Variants in MTRFR observed in about 807,000 individuals in gnomAD.
The protein encoded by MTRFR is probable peptide chain release factor C12orf65, mitochondrial.
In MTRFR, 10 loss-of-function variants were observed where a neutral mutation model predicts 11.9. The ratio of observed to expected loss-of-function variants is 0.84; its 90% CI spans 0.52 to 1.42. The LOEUF is 1.42. Ranked by LOEUF, MTRFR falls within the 40% of genes most tolerant of loss-of-function variation. The pLI is 0.00. For missense variants in MTRFR, 196 were observed against 197.9 expected (o/e 0.99, Z 0.06); for synonymous variants, 77 against 79.1 (o/e 0.97, Z 0.14).
At chr12:123,243,326 C>A (rs1593277553) in intron 1 of MTRFR, among the ~76,000 whole-genome samples, 2 of 151,616 alleles carry the variant, frequency 1.3e-5, no homozygotes, top group Non-Finnish European at 2.9e-5. Flanking sequence ...GTCAGGAAAT[C>A]GAGAACAGCC....
At chr12:123,237,380 A>G (rs2047867987) in intron 1 of MTRFR, among the ~76,000 whole-genome samples, 1 of 152,240 alleles carries the variant, frequency 6.6e-6, no homozygotes, top group African/African-American at 2.4e-5. Context: ...CAGTGAGCCA[A>G]GATCACGCCA....
upstream of MTRFR, chr12:123,233,026 C>T (rs2047738979): frequency 6.6e-6 from 1 of 152,322 alleles, no homozygotes. Context: ...TAAGTCTCGT[C>T]TCCTGTCCCC....
At chr12:123,250,259 G>A (rs2048097366) in intron 1 of MTRFR, 1 of 152,150 alleles carries the variant, frequency 6.6e-6, no homozygotes, top group Non-Finnish European at 1.5e-5. Flanking sequence ...CTATTTCCCT[G>A]AGTGATTTCT....
At chr12:123,239,410 G>GTTTTT (rs80347690) in intron 1 of MTRFR, among the ~76,000 whole-genome samples, 4 of 145,820 alleles carry the variant, frequency 2.7e-5, no homozygotes, top group East Asian at 2.1e-4. Context: ...TTGTTTTTTT[G>GTTTTT]TTTGTTTTTT....
Position 123,253,668 on chromosome 12 carries a change from G to A in MTRFR, c.-7G>A, listed in dbSNP as rs377656915. ...CCAGGTCCTCAGCCAGCAGAGCCAC[G>A]TTCCTTATGAGCACCGTGGGTTTAT... On this transcript the variant is annotated 5_prime_UTR_variant, in exon 2 of 3. Coordinates refer to ENST00000253233, the MANE Select transcript of MTRFR (RefSeq NM_152269.5). 108 of 1,614,098 alleles carry A rather than the reference G, an allele frequency of 6.7e-5. No homozygotes were observed. The highest frequency in any genetic ancestry group is 8.3e-5 in the Non-Finnish European group (98 of 1,180,020).
intron 1 of MTRFR, chr12:123,249,075 G>A (rs2048081206): frequency 6.6e-6 from 1 of 151,630 alleles, no homozygotes; most frequent in African/African-American, 2.4e-5. Flanking sequence ...GTCCCCACTA[G>A]ATTAGCTAGA....
chr12:123,246,589 G>A (rs1245339462), intron 1 of MTRFR, among the ~76,000 whole-genome samples: 1 of 151,882 alleles, frequency 6.6e-6, no homozygotes, highest in Non-Finnish European at 1.5e-5. Flanking sequence ...AAGTAGCTGG[G>A]ATTACAGGCA....
At chr12:123,237,215 G>A (rs1314711122) in intron 1 of MTRFR, among the ~76,000 whole-genome samples, 3 of 152,116 alleles carry the variant, frequency 2.0e-5, no homozygotes, top group Non-Finnish European at 4.4e-5. Flanking sequence ...CCAGGACTAC[G>A]GGAGGCCAAG....
chr12:123,240,430 G>C (rs1351748995), intron 1 of MTRFR: 1 of 152,056 alleles, frequency 6.6e-6, no homozygotes, highest in Non-Finnish European at 1.5e-5. Context: ...AGACTCCCAG[G>C]TGATTTGTAT....
intron 1 of MTRFR, among the ~76,000 whole-genome samples, chr12:123,237,574 C>G (rs566027593): frequency 6.6e-6 from 1 of 152,338 alleles, no homozygotes; most frequent in East Asian, 1.9e-4. Context: ...AGAGTAGTCT[C>G]TTTTTCCTCC....
intron 1 of MTRFR, chr12:123,251,640 G>A (rs1354084151): frequency 6.5e-6 from 1 of 152,856 alleles, no homozygotes; most frequent in African/African-American, 2.4e-5. Context: ...CGGGAGAGGA[G>A]GATCTCCCTT....
chr12:123,246,791 A>G (rs1462739814), intron 1 of MTRFR, among the ~76,000 whole-genome samples: 1 of 122,024 alleles, frequency 8.2e-6, no homozygotes, highest in African/African-American at 3.3e-5. Context: ...AGTGCAGTGG[A>G]GCAATCTTGG....
intron 1 of MTRFR, chr12:123,253,415 C>T: frequency 4.2e-6 from 2 of 479,240 alleles, no homozygotes; most frequent in Non-Finnish European, 7.6e-6. Context: ...TGGTCTATTG[C>T]AAGAAAATAT....
At chr12:123,239,295 G>A (rs2047894429) in intron 1 of MTRFR, among the ~76,000 whole-genome samples, 1 of 152,172 alleles carries the variant, frequency 6.6e-6, no homozygotes, top group African/African-American at 2.4e-5. Context: ...ATCACGTGTG[G>A]AAATAATAGT....
chr12:123,238,589 G>C (rs1447383536), intron 1 of MTRFR, among the ~76,000 whole-genome samples: 1 of 152,050 alleles, frequency 6.6e-6, no homozygotes, highest in Non-Finnish European at 1.5e-5. Flanking sequence ...TGGGCAACAT[G>C]ATGAAACCCC....
Position 123,253,781 on chromosome 12 carries a change from T to C in MTRFR, c.107T>C (p.Ile36Thr), listed in dbSNP as rs1229358388. Reference sequence around the variant, plus strand: ...AAGCTGACGTTGTTATCCCCAGGAATAGCTGTCACTCCGGTCCAGATGGCA... The same window carrying C: ...AAGCTGACGTTGTTATCCCCAGGAACAGCTGTCACTCCGGTCCAGATGGCA... ...WEKLTLLSPG[I>T]AVTPVQMAGK... The change falls in exon 2 of 3, where the codon ATA (isoleucine) becomes ACA (threonine). Residue 36 changes from isoleucine (I) to threonine (T), a missense_variant. Coordinates refer to ENST00000253233, the MANE Select transcript of MTRFR (RefSeq NM_152269.5). The C allele has an allele frequency of 2.5e-6, 4 of 1,614,072 alleles. No individual in the cohort carries two copies. In the African/African-American group the frequency reaches 5.3e-5, roughly 22 times the overall value.
rs2048191238 is a variant in MTRFR at position 123,257,065 on chromosome 12, G to A, written c.*34G>A. ...TTAGAGATTCCAACTGACAGAATCT[G>A]CCAGAAGCTCCCAGGGAATAATGGT... is the stretch of plus-strand genomic sequence containing the variant. On this transcript the variant is annotated 3_prime_UTR_variant, in exon 3 of 3. Transcript: ENST00000253233. The A allele has an allele frequency of 3.9e-6, 6 of 1,519,142 alleles. No individual in the cohort carries two copies. The East Asian group carries it at 1.4e-4, about 34-fold the overall frequency. The allele number at this position is 1,519,142 out of a possible 1,614,324, so 94.1% of individuals were successfully genotyped here. A position where few individuals can be genotyped will look rare whatever the true frequency, so the allele number is the denominator to read the frequency against.
At chr12:123,236,304 T>A (rs2047849216) in intron 1 of MTRFR, among the ~76,000 whole-genome samples, 1 of 152,032 alleles carries the variant, frequency 6.6e-6, no homozygotes, top group Non-Finnish European at 1.5e-5. Flanking sequence ...TATTTGAAAG[T>A]GCTTTGCAGC....
At chr12:123,240,768 CTG>C (rs2047922360) in intron 1 of MTRFR, 1 of 134,158 alleles carries the variant, frequency 7.5e-6, no homozygotes, top group Non-Finnish European at 1.5e-5. Context: ...AAGTCTCACT[CTG>C]TACCCCAGGC....
Sources: allele counts gnomAD v4.1 joint callset (sites outside exome capture counted in the v4.1 genomes callset), GRCh38; gene constraint gnomAD v4.1.1; transcripts MANE v1.5; gene names NCBI Gene and HGNC (gene_info 2026-07-23, HGNC 2026-07-21).